The following ITIH6 variants were observed in gnomAD, a reference collection of about 807,000 sequenced individuals.
ITIH6 encodes inter-alpha-trypsin inhibitor heavy chain H6.
In ITIH6, 60 loss-of-function variants were observed where a neutral mutation model predicts 58.2. That is an observed-to-expected ratio of 1.03 (90% CI 0.84 to 1.28). The LOEUF (loss-of-function observed/expected upper bound fraction) is 1.28, where lower values mean the gene tolerates loss of function less well. Among genes scored for constraint, ITIH6 ranks in the 50% most tolerant of loss-of-function variants. The pLI, the probability that ITIH6 is intolerant of heterozygous loss-of-function variation, is 0.00. For missense variants in ITIH6, 1,290 were observed against 1,021.1 expected (o/e 1.26, Z -3.59); for synonymous variants, 493 against 417.4 (o/e 1.18, Z -2.21).
intron 12 of ITIH6, among the ~76,000 whole-genome samples, chrX:54,750,796 C>T (rs1003586170): frequency 1.8e-5 from 2 of 111,934 alleles, no homozygotes; most frequent in Non-Finnish European, 3.8e-5. Flanking sequence ...TCTCTAGCTC[C>T]CTGGGCAGCT....
At position 54,777,325 on chromosome X, in the gene ITIH6, C is replaced by G. The variant is rs185066187; in HGVS notation, c.787-3128G>C. On this transcript the variant is annotated intron_variant, in intron 5 of 12. Transcript: ENST00000218436. ...AGGTAGAATTCTAAGGAGTTTGACT[C>G]TAGTCTCTGGCTCCTGGATGGCACC... is the stretch of plus-strand genomic sequence containing the variant. 4.0e-3 allele frequency among the ~76,000 whole-genome samples: 450 copies of G among 112,735 alleles called. 5 individuals are homozygous for G. Among genetic ancestry groups the G allele is most frequent in the African/African-American group, 0.014 (427 of 31,079 alleles).
intron 5 of ITIH6, among the ~76,000 whole-genome samples, chrX:54,783,414 T>A (rs1241909056): frequency 8.9e-6 from 1 of 112,204 alleles, no homozygotes; most frequent in East Asian, 2.8e-4. Context: ...TGTTTGCAGA[T>A]GATATGATCT....
intron 6 of ITIH6, among the ~76,000 whole-genome samples, chrX:54,771,698 A>G (rs1254589265): frequency 8.9e-6 from 1 of 112,132 alleles, no homozygotes; most frequent in Non-Finnish European, 1.9e-5. Flanking sequence ...ATACTTCTGA[A>G]AAGAAGACAT....
Position 54,751,249 on chromosome X carries a change from T to G in ITIH6, c.3484A>C (p.Ser1162Arg), listed in dbSNP as rs1413565365. The change falls in exon 12 of 13, where the codon AGT becomes CGT. Residue 1162 changes from serine to arginine, a missense_variant. Ser to Arg is a moderately radical substitution (Grantham distance 110). Transcript: ENST00000218436. ...PRAYTITISR[S>R]SISLRGEGTL... is the part of the protein sequence containing the mutation. ...CCCTCGCCTCGCAAAGATATAGAACTGCGGCTGATGGTGATAGTATAGGCC... is the reference window on the plus strand; with the variant it reads ...CCCTCGCCTCGCAAAGATATAGAACGGCGGCTGATGGTGATAGTATAGGCC... 1 of 1,210,000 alleles carries G rather than the reference T, an allele frequency of 8.3e-7. No individual in the cohort carries two copies. The highest frequency in any genetic ancestry group is 3.0e-5 in the East Asian group (1 of 33,740).
In ITIH6 at chrX:54,758,461, G is replaced by A; in HGVS notation, c.1613C>T (p.Ala538Val). 3.3e-6 allele frequency: 4 copies of A among 1,209,239 alleles called. 1 individual carries two copies. The highest frequency in any genetic ancestry group is 4.4e-5 in the Admixed American group (2 of 45,844). The change falls in exon 8 of 13, where the codon GCC becomes GTC. Residue 538 changes from alanine (A) to valine (V), a missense_variant. Physicochemically the swap from Ala to Val is moderately conservative, Grantham distance 64. Transcript: ENST00000218436. ...AAAGGCCTTCTGGCTGTTGTTGGTG[G>A]CCCCTTCACTGTGGTGGGCCACAAG... ...QLLVAHHSEG[A>V]TNNSQKAFGC...
At chrX:54,791,129 G>A (rs1184522639) in intron 3 of ITIH6, 45 bp from the exon 4 acceptor site, 1 of 1,186,818 alleles carries the variant, frequency 8.4e-7, no homozygotes, top group Admixed American at 2.2e-5. Context: ...GGGACCTTCA[G>A]AGGAGTACAG....
chrX:54,781,492 G>A (rs1225576873), intron 5 of ITIH6, among the ~76,000 whole-genome samples: 1 of 112,059 alleles, frequency 8.9e-6, no homozygotes, highest in African/African-American at 3.2e-5. Flanking sequence ...GCTCAACATC[G>A]TTGATCATTA....
chrX:54,763,580 A>G (rs1928701105), intron 6 of ITIH6, among the ~76,000 whole-genome samples: 1 of 112,463 alleles, frequency 8.9e-6, no homozygotes, highest in African/African-American at 3.2e-5. Flanking sequence ...GATATGGTCC[A>G]TCTTGGTAAA....
chrX:54,757,781 G>A lies in ITIH6; in HGVS notation c.2293C>T (p.Pro765Ser). 1.7e-6 allele frequency: 2 copies of A among 1,211,631 alleles called. No individual in the cohort carries two copies. The highest frequency in any genetic ancestry group is 3.0e-5 in the East Asian group (1 of 33,837). ...NSRTQVPPVKPGIPASPKADT... is the reference protein window; with the variant it reads ...NSRTQVPPVKSGIPASPKADT... ...GCTTTGGGCGAGGCTGGGATGCCAG[G>A]TTTCACAGGTGGGACTTGTGTCCTG... The change falls in exon 8 of 13, where the codon CCT becomes TCT. Residue 765 changes from proline to serine, a missense_variant. Physicochemically the swap from Pro to Ser is moderately conservative, Grantham distance 74 (BLOSUM62 -1). Transcript: ENST00000218436.
intron 5 of ITIH6, among the ~76,000 whole-genome samples, chrX:54,779,764 A>C (rs762982591): frequency 9.0e-6 from 1 of 111,217 alleles, no homozygotes; most frequent in Admixed American, 9.6e-5. Context: ...TGGATTAAAA[A>C]AAATAAGACC....
At position 54,757,345 on chromosome X, in the gene ITIH6, C is replaced by T. The variant is rs756331516; in HGVS notation, c.2729G>A (p.Ser910Asn). 8.3e-7 allele frequency: 1 copy of T among 1,204,704 alleles called. No individual in the cohort carries two copies. The highest frequency in any genetic ancestry group is 1.1e-6 in the Non-Finnish European group (1 of 891,801). Residue 910 changes from serine to asparagine, a missense_variant, in exon 8 of 13, where the codon AGT becomes AAT. Coordinates refer to ENST00000218436, the MANE Select transcript of ITIH6 (RefSeq NM_198510.3). ...TGTGGTACTGCTGGGACCTGTGGAA[C>T]TTGAGATTGTATTTGGGAATGTGCT... ...SLSTFPNTIS[S>N]STGPSSTTTT...
chrX:54,751,985 G>A (rs1194145203), intron 11 of ITIH6, among the ~76,000 whole-genome samples: 1 of 111,219 alleles, frequency 9.0e-6, no homozygotes, highest in Non-Finnish European at 1.9e-5. Context: ...TTAACCTTGG[G>A]GTATTCAGTA....
At position 54,749,978 on chromosome X, in the gene ITIH6, G is replaced by A. The variant is rs772318334; in HGVS notation, c.3859C>T (p.Pro1287Ser). 9 of 1,209,957 alleles carry A rather than the reference G, an allele frequency of 7.4e-6. No homozygotes were observed. In the East Asian group the frequency reaches 1.8e-4, roughly 24 times the overall value. ...RLLKDSPRLL[P>S]RWASCWLVKR... is the part of the protein sequence containing the mutation. ...ACCAGCCAGCAGGAAGCCCAGCGGG[G>A]CAGCAGCCTTGGTGAGTCCTTCAGC... The change falls in exon 13 of 13, where the codon CCC becomes TCC. Residue 1287 changes from proline to serine, a missense_variant. Transcript: ENST00000218436.
At chrX:54,780,766 C>T (rs931564297) in intron 5 of ITIH6, among the ~76,000 whole-genome samples, 2 of 109,671 alleles carry the variant, frequency 1.8e-5, no homozygotes, top group African/African-American at 6.6e-5. Context: ...CAAACCTTTA[C>T]CCCGACTAGT....
At chrX:54,763,137 A>G (rs1928688774) in intron 6 of ITIH6, among the ~76,000 whole-genome samples, 1 of 111,946 alleles carries the variant, frequency 8.9e-6, no homozygotes, top group Non-Finnish European at 1.9e-5. Flanking sequence ...ATAGATATGG[A>G]TTTCAGAGAC....
chrX:54,794,006 C>T (rs866651126), intron 2 of ITIH6, among the ~76,000 whole-genome samples: 1 of 111,702 alleles, frequency 9.0e-6, no homozygotes, highest in Non-Finnish European at 1.9e-5. Flanking sequence ...AGTGGAGTAA[C>T]TGAGGCACAG....
At position 54,789,249 on chromosome X, in the gene ITIH6, G is replaced by A. The variant is rs982988035; in HGVS notation, c.617-600C>T. Among the ~76,000 whole-genome samples the A allele has an allele frequency of 3.6e-5, 4 of 111,661 alleles. No homozygotes were observed. The Admixed American group carries it at 3.8e-4, about 11-fold the overall frequency. On this transcript the variant is annotated intron_variant, in intron 4 of 12. Coordinates refer to ENST00000218436, the MANE Select transcript of ITIH6 (RefSeq NM_198510.3). ...AAATCACAGATGACTCTCTAGTCCC[G>A]GATGTTTGCTGAGCTGGCCACAAGA... is the stretch of plus-strand genomic sequence containing the variant.
chrX:54,771,007 A>T (rs1476649912), intron 6 of ITIH6, among the ~76,000 whole-genome samples: 2 of 111,381 alleles, frequency 1.8e-5, no homozygotes, highest in Non-Finnish European at 3.8e-5. Context: ...TTCCTTTAAC[A>T]CTTGTAATAT....
At chrX:54,752,536 G>A (rs933456831) in intron 11 of ITIH6, among the ~76,000 whole-genome samples, 1 of 112,262 alleles carries the variant, frequency 8.9e-6, no homozygotes, top group Non-Finnish European at 1.9e-5. Context: ...AATTCATCTT[G>A]TTCATGCTCT....
Sources: gnomAD v4.1 joint callset for allele counts (sites outside exome capture counted in the v4.1 genomes callset) on GRCh38, gnomAD v4.1.1 for gene constraint, MANE v1.5 for transcripts, NCBI Gene and HGNC (gene_info 2026-07-23, HGNC 2026-07-21) for gene names.